The following TTN variants were observed in gnomAD, a reference collection of about 807,000 sequenced individuals.
TTN encodes connectin.
TTN carries 1,525 observed loss-of-function variants against 3,223.0 expected under a neutral mutation model. The observed-to-expected ratio is 0.47, with a 90% CI of 0.45 to 0.49. The LOEUF (loss-of-function observed/expected upper bound fraction) is 0.49. Among genes scored for constraint, TTN ranks in the 20% least tolerant of loss-of-function variants. The pLI is 0.00. For missense variants in TTN, 40,786 were observed against 43,424.0 expected (o/e 0.94, Z 5.40); for synonymous variants, 14,094 against 15,161.0 (o/e 0.93, Z 5.17).
At chr2:178,784,650 A>G (rs773671505) in intron 15 of TTN, among the ~76,000 whole-genome samples, 6 of 152,190 alleles carry the variant, frequency 3.9e-5, no homozygotes, top group Non-Finnish European at 7.4e-5. Context: ...TTAGTCACGA[A>G]TTTTCACTTA....
At position 178,647,135 on chromosome 2, in the gene TTN, G is replaced by T; in HGVS notation, c.40151C>A (p.Thr13384Asn). 7.0e-7 allele frequency: 1 copy of T among 1,433,822 alleles called. No homozygotes were observed. Among genetic ancestry groups the T allele is most frequent in the Non-Finnish European group, 9.2e-7 (1 of 1,087,776 alleles). The allele number at this position is 1,433,822 out of a possible 1,614,324, so 88.8% of individuals were successfully genotyped here. A position where few individuals can be genotyped will look rare whatever the true frequency, so the allele number is the denominator to read the frequency against. Residue 13384 changes from threonine to asparagine, a missense_variant, in exon 215 of 363, where the codon ACT becomes AAT. By Grantham distance (65) the Thr-to-Asn change is moderately conservative (BLOSUM62 0). Coordinates refer to ENST00000589042, the MANE Select transcript of TTN (RefSeq NM_001267550.2). ...PEVPPAEVEE[T>N]PEEIIYEEKA... Reference sequence around the variant, plus strand: ...TTCTTCATATATTATTTCCTCAGGAGTCTCTTCAACTTTAAAAAACATAGT... The same window carrying T: ...TTCTTCATATATTATTTCCTCAGGATTCTCTTCAACTTTAAAAAACATAGT...
intron 49 of TTN, 108 bp from the exon 50 acceptor site, chr2:178,736,182 G>A: frequency 1.0e-6 from 1 of 997,208 alleles, no homozygotes; most frequent in Non-Finnish European, 1.4e-6. Context: ...AGATAGACAT[G>A]AGCCATAATT....
rs200971254 is a variant in TTN at position 178,581,576 on chromosome 2, C to T, written c.66692G>A (p.Arg22231His). 2.2e-4 allele frequency: 356 copies of T among 1,612,618 alleles called. 1 individual carries two copies. In the African/African-American group the frequency reaches 3.6e-3, roughly 16 times the overall value. ...TCCAATCTTATTAACGGCATACACA[C>T]GGAATTGATATTGTGTGTCTTCCAT... is the stretch of plus-strand genomic sequence containing the variant. ...GLMEDTQYQF[R>H]VYAVNKIGYS... Residue 22231 changes from arginine (R) to histidine (H), a missense_variant, in exon 316 of 363, where the codon CGT (arginine) becomes CAT (histidine). Physicochemically the swap from Arg to His is conservative, Grantham distance 29. Coordinates refer to ENST00000589042, the MANE Select transcript of TTN (RefSeq NM_001267550.2).
intron 361 of TTN, 117 bp downstream of exon 361, chr2:178,528,157 C>T: frequency 4.2e-6 from 5 of 1,177,126 alleles, no homozygotes; most frequent in African/African-American, 1.5e-5. Context: ...AGTTGGCTGT[C>T]CCTCTTTCAC....
At chr2:178,704,073 G>T (rs1454614721) in intron 106 of TTN, 74 bp downstream of exon 106, 2 of 1,540,382 alleles carry the variant, frequency 1.3e-6, no homozygotes, top group Middle Eastern at 1.7e-4. Flanking sequence ...TACAGGTAGG[G>T]TTGCAGGGGT....
chr2:178,748,524 C>T, intron 47 of TTN: 1 of 1,613,016 alleles, frequency 6.2e-7, no homozygotes, highest in East Asian at 2.2e-5. Flanking sequence ...GCTGGATCTC[C>T]TATATGAGAA....
intron 256 of TTN, 21 bp downstream of exon 256, chr2:178,616,708 G>A (rs1205639418): frequency 6.2e-7 from 1 of 1,611,988 alleles, no homozygotes; most frequent in South Asian, 1.1e-5. Context: ...CACCTTAGAT[G>A]ATAAATGTTT....
chr2:178,546,892 T>C lies in TTN; in HGVS notation c.94536A>G (p.Arg31512=). 6.3e-7 allele frequency: 1 copy of C among 1,588,562 alleles called. No homozygotes were observed. The highest frequency in any genetic ancestry group is 8.6e-7 in the Non-Finnish European group (1 of 1,164,284). ...MAQNPVDAPG[R]PEVTDVTRST... ...ATCTTGTGACATCTGTCACCTCTGG[T>C]CTGCCTGGTGCATCTGGAAGGGATG... The change falls in exon 341 of 363, where the codon AGA becomes AGG. Residue 31512 remains arginine, a synonymous_variant. Transcript: ENST00000589042.
chr2:178,739,093 A>T, intron 48 of TTN, 48 bp downstream of exon 48: 3 of 1,478,156 alleles, frequency 2.0e-6, no homozygotes, highest in Non-Finnish European at 1.8e-6. Context: ...AAATCATTAC[A>T]ATCCAGTGAA....
Position 178,604,283 on chromosome 2 carries a change from C to T in TTN, c.54404G>A (p.Gly18135Asp), listed in dbSNP as rs776471324. 2.0e-6 allele frequency: 3 copies of T among 1,481,190 alleles called. No homozygotes were observed. Among genetic ancestry groups the T allele is most frequent in the Non-Finnish European group, 2.7e-6 (3 of 1,113,754 alleles). The allele number at this position is 1,481,190 out of a possible 1,614,324, so 91.8% of individuals were successfully genotyped here. A position where few individuals can be genotyped will look rare whatever the true frequency, so the allele number is the denominator to read the frequency against. The change falls in exon 282 of 363, where the codon GGT (glycine) becomes GAT (aspartate). Residue 18135 changes from glycine to aspartate, a missense_variant. Coordinates refer to ENST00000589042, the MANE Select transcript of TTN (RefSeq NM_001267550.2). ...RYGIWKLIPNGQYEFRVRAVN... is the reference protein window; with the variant it reads ...RYGIWKLIPNDQYEFRVRAVN... ...TGCCCTGACTCGGAACTCATACTGA[C>T]CATTGGGGATAAGTTTCCAGATCTA...
intron 88 of TTN, 35 bp from the exon 89 acceptor site, chr2:178,715,809 A>C: frequency 6.6e-7 from 1 of 1,526,002 alleles, no homozygotes; most frequent in Non-Finnish European, 8.8e-7. Flanking sequence ...AGGGTAAGGG[A>C]TGGAACAGAT....
rs773782020 is a variant in TTN at position 178,756,354 on chromosome 2, GT to G, written c.11121del (p.Lys3707AsnfsTer19). On this transcript the variant is annotated frameshift_variant, in exon 46 of 363. Coordinates refer to ENST00000589042, the MANE Select transcript of TTN (RefSeq NM_001267550.2). LOFTEE classifies it high-confidence loss of function. ...AACTGAATATTTCCATTTTGTGATT[GT>G]TTCAGTCTCTCGGATTCCTCTATCT... is the stretch of plus-strand genomic sequence containing the variant. ...GAKIEESERL[K>X]QSQNGNIQFL... is the part of the protein sequence containing the mutation. 1 of 1,613,830 alleles carries G rather than the reference GT, an allele frequency of 6.2e-7. No individual in the cohort carries two copies. The highest frequency in any genetic ancestry group is 8.5e-7 in the Non-Finnish European group (1 of 1,179,812).
Position 178,715,215 on chromosome 2 carries a change from TC to T in TTN, c.25970del (p.Gly8657GlufsTer35), listed in dbSNP as rs2154297689. 1 of 1,613,638 alleles carries T rather than the reference TC, an allele frequency of 6.2e-7. No individual in the cohort carries two copies. Among genetic ancestry groups the T allele is most frequent in the Non-Finnish European group, 8.5e-7 (1 of 1,179,678 alleles). ...KKPHPIETLK[G>X]ADVHLECELQ... is the part of the protein sequence containing the mutation. Reference sequence around the variant, plus strand: ...GCTCACATTCAAGGTGAACATCAGCTCCTTTCAGTGTCTCTATAGGATGAGG... The same window carrying T: ...GCTCACATTCAAGGTGAACATCAGCTCTTTCAGTGTCTCTATAGGATGAGG... On this transcript the variant is annotated frameshift_variant, in exon 90 of 363. Transcript: ENST00000589042. LOFTEE classifies it high-confidence loss of function.
At position 178,764,819 on chromosome 2, in the gene TTN, T is replaced by C; in HGVS notation, c.9704-8A>G. ...CTTGGGGCGGTTCAGGAGCTAGGAG[T>C]AAATGTTGACAAATAGCCCATGAAA... On this transcript the variant is annotated splice_region_variant and splice_polypyrimidine_tract_variant and intron_variant, in intron 41 of 362. Coordinates refer to ENST00000589042, the MANE Select transcript of TTN (RefSeq NM_001267550.2). The C allele has an allele frequency of 6.2e-7, 1 of 1,612,192 alleles. No individual in the cohort carries two copies. Among genetic ancestry groups the C allele is most frequent in the Non-Finnish European group, 8.5e-7 (1 of 1,179,754 alleles).
Position 178,545,883 on chromosome 2 carries a change from C to T in TTN, c.95353G>A (p.Val31785Ile), listed in dbSNP as rs755742174. The change falls in exon 343 of 363, where the codon GTA becomes ATA. Residue 31785 changes from valine (V) to isoleucine (I), a missense_variant. Transcript: ENST00000589042. ...GGCACACCAGGGCCATATTTGTTTA[C>T]TGCCCTCACTCGGAATATGTACTCA... ...NNEYIFRVRA[V>I]NKYGPGVPVE... 7.4e-6 allele frequency: 12 copies of T among 1,613,876 alleles called. No homozygotes were observed. Among genetic ancestry groups the T allele is most frequent in the South Asian group, 1.1e-5 (1 of 91,084 alleles).
At position 178,552,107 on chromosome 2, in the gene TTN, G is replaced by A. The variant is rs200022152; in HGVS notation, c.90793C>T (p.Arg30265Trp). 131 of 1,613,648 alleles carry A rather than the reference G, an allele frequency of 8.1e-5. No homozygotes were observed. The highest frequency in any genetic ancestry group is 2.9e-4 in the African/African-American group (22 of 75,014). ...TTCCAGTTAGTTTGTGAAGTTTCCCGCTTCTCGATGCTGTAACAAGTAATT... is the reference window on the plus strand; with the variant it reads ...TTCCAGTTAGTTTGTGAAGTTTCCCACTTCTCGATGCTGTAACAAGTAATT... ...GEITCYSIEKRETSQTNWKMV... is the reference protein window; with the variant it reads ...GEITCYSIEKWETSQTNWKMV... The change falls in exon 335 of 363, where the codon CGG becomes TGG. Residue 30265 changes from arginine to tryptophan, a missense_variant. Coordinates refer to ENST00000589042, the MANE Select transcript of TTN (RefSeq NM_001267550.2).
rs2078443515 is a variant in TTN at position 178,721,987 on chromosome 2, C to T, written c.22676G>A (p.Gly7559Glu). 6.2e-7 allele frequency: 1 copy of T among 1,613,566 alleles called. No homozygotes were observed. Among genetic ancestry groups the T allele is most frequent in the Non-Finnish European group, 8.5e-7 (1 of 1,179,620 alleles). The part of the protein sequence containing the change: ...SKDNKEIRPG[G>E]NYTITCVGNT... The stretch of plus-strand genomic sequence containing the variant: ...TCCCACACATGTGATTGTATAGTTT[C>T]CTCCAGGACGGATCTCCTTGTTATC... The change falls in exon 78 of 363, where the codon GGA (glycine) becomes GAA (glutamate). Residue 7559 changes from glycine to glutamate, a missense_variant. By Grantham distance (98) the Gly-to-Glu change is moderately conservative. Coordinates refer to ENST00000589042, the MANE Select transcript of TTN (RefSeq NM_001267550.2).
In TTN at chr2:178,677,602, C is replaced by T. The variant is rs757801148; in HGVS notation, c.34291+19G>A. The stretch of plus-strand genomic sequence containing the variant: ...CAACACAAAAGAGGCCTTGATGATT[C>T]CAAGAAGAGCTGCTATACCTGGTGC... On this transcript the variant is annotated intron_variant, in intron 146 of 362. Transcript: ENST00000589042. 6.3e-7 allele frequency: 1 copy of T among 1,587,774 alleles called. No individual in the cohort carries two copies. Among genetic ancestry groups the T allele is most frequent in the African/African-American group, 1.4e-5 (1 of 73,390 alleles).
At chr2:178,711,428 G>T in intron 96 of TTN, 79 bp from the exon 97 acceptor site, 2 of 1,336,786 alleles carry the variant, frequency 1.5e-6, no homozygotes, top group Non-Finnish European at 1.0e-6. Context: ...ACAAACGCAC[G>T]TATATATGCA....
Sources: allele counts gnomAD v4.1 joint callset (sites outside exome capture counted in the v4.1 genomes callset), GRCh38; gene constraint gnomAD v4.1.1; transcripts MANE v1.5; gene names NCBI Gene and HGNC (gene_info 2026-07-23, HGNC 2026-07-21).